The following CCDC169 variants were observed in gnomAD, a reference collection of about 807,000 sequenced individuals.
CCDC169 encodes the protein coiled-coil domain-containing protein 169.
Under a neutral mutation model 36.0 loss-of-function variants are expected in CCDC169, and 30 were observed. That is an observed-to-expected ratio of 0.83 (90% CI 0.62 to 1.13). The LOEUF is 1.13. Among genes scored for constraint, CCDC169 ranks in the 50% most tolerant of loss-of-function variants. CCDC169 has a pLI of 0.00. For missense variants in CCDC169, 245 were observed against 245.9 expected (o/e 1.00, Z 0.03); for synonymous variants, 85 against 81.5 (o/e 1.04, Z -0.23).
chr13:36,231,398 A>C, intron 7 of CCDC169, 106 bp from the exon 8 acceptor site: 1 of 1,058,206 alleles, frequency 9.4e-7, no homozygotes, highest in Non-Finnish European at 1.4e-6. Flanking sequence ...GTTCCCCCCA[A>C]CAGACCTTCA....
intron 7 of CCDC169, among the ~76,000 whole-genome samples, chr13:36,244,944 A>C (rs1341681737): frequency 6.6e-6 from 1 of 152,150 alleles, no homozygotes; most frequent in Admixed American, 6.5e-5. Flanking sequence ...CAATAATGAA[A>C]ATGTATAAAG....
intron 4 of CCDC169, among the ~76,000 whole-genome samples, chr13:36,276,054 G>A (rs928782796): frequency 1.3e-5 from 2 of 152,148 alleles, no homozygotes; most frequent in Non-Finnish European, 2.9e-5. Flanking sequence ...TTTGTAATAT[G>A]TTCTTCTCCT....
In CCDC169 at chr13:36,272,093, AAAAAACT is replaced by A. The variant is rs1468819422; in HGVS notation, c.315+11369_315+11375del. Among the ~76,000 whole-genome samples the A allele has an allele frequency of 4.7e-4, 64 of 135,284 alleles. No homozygotes were observed. The South Asian group carries it at 6.8e-3, about 14-fold the overall frequency. The allele number at this position is 135,284 out of a possible 152,430, so 88.8% of individuals were successfully genotyped here. ...GAGTGAGGCTCCGTCTCAAAAAAAA[AAAAAACT>A]AAAAAAATAAATAAATAAATAAAAT... On this transcript the variant is annotated intron_variant, in intron 4 of 7. Transcript: ENST00000239859.
chr13:36,256,319 T>C (rs1873882779), intron 4 of CCDC169, among the ~76,000 whole-genome samples: 1 of 151,986 alleles, frequency 6.6e-6, no homozygotes, highest in South Asian at 2.1e-4. Flanking sequence ...AGAAAAGAGG[T>C]TTAACTGACT....
At chr13:36,269,103 C>CAA (rs1175357031) in intron 4 of CCDC169, among the ~76,000 whole-genome samples, 3 of 134,958 alleles carry the variant, frequency 2.2e-5, no homozygotes, top group Non-Finnish European at 4.9e-5. Flanking sequence ...GACTCCAACT[C>CAA]AAATAAAAAA....
At chr13:36,260,261 TATTGTTACC>T (rs1874454784) in intron 4 of CCDC169, among the ~76,000 whole-genome samples, 1 of 152,214 alleles carries the variant, frequency 6.6e-6, no homozygotes, top group Non-Finnish European at 1.5e-5. Flanking sequence ...GTGTTCATTT[TATTGTTACC>T]ATTGTAACAA....
intron 6 of CCDC169, among the ~76,000 whole-genome samples, chr13:36,250,796 A>G (rs575568688): frequency 3.3e-5 from 5 of 152,296 alleles, no homozygotes; most frequent in African/African-American, 1.2e-4. Flanking sequence ...TGTAACTAAA[A>G]CCAGTGGATT....
chr13:36,247,039 A>G (rs1328203747), intron 7 of CCDC169, among the ~76,000 whole-genome samples: 2 of 152,186 alleles, frequency 1.3e-5, no homozygotes, highest in African/African-American at 4.8e-5. Context: ...CTCAATTACC[A>G]TTCTGAAAAT....
intron 4 of CCDC169, among the ~76,000 whole-genome samples, chr13:36,257,520 T>C (rs997230178): frequency 6.6e-6 from 1 of 151,758 alleles, no homozygotes; most frequent in African/African-American, 2.4e-5. Context: ...CTGGCCAATA[T>C]GGTGAAACCC....
intron 4 of CCDC169, among the ~76,000 whole-genome samples, chr13:36,262,375 T>C (rs1026092603): frequency 6.6e-6 from 1 of 152,200 alleles, no homozygotes; most frequent in Non-Finnish European, 1.5e-5. Context: ...CATCTCCTTC[T>C]GGGTGTGAAA....
At chr13:36,289,606 C>T (rs747518325) in intron 2 of CCDC169, among the ~76,000 whole-genome samples, 1 of 152,204 alleles carries the variant, frequency 6.6e-6, no homozygotes, top group Non-Finnish European at 1.5e-5. Flanking sequence ...AGTAGTCACA[C>T]TGCAGGTTTT....
intron 4 of CCDC169, among the ~76,000 whole-genome samples, chr13:36,267,963 A>T (rs557708610): frequency 2.0e-5 from 3 of 152,298 alleles, no homozygotes; most frequent in Admixed American, 1.3e-4. Context: ...AAAACATTTT[A>T]AAATGTTTAA....
downstream of CCDC169, chr13:36,226,928 T>A: frequency 2.4e-6 from 1 of 421,858 alleles, no homozygotes; most frequent in South Asian, 1.0e-4. Flanking sequence ...CCTGCACAGG[T>A]ACCTCTGAAT....
intron 4 of CCDC169, among the ~76,000 whole-genome samples, chr13:36,279,102 T>TA (rs34627522): frequency 0.25 from 37,070 of 149,256 alleles, 4,870 homozygotes; most frequent in East Asian, 0.49. Flanking sequence ...CTGCCCAAGC[T>TA]AAAAAAAAAC....
chr13:36,253,910 T>G, intron 5 of CCDC169, 54 bp from the exon 6 acceptor site: 2 of 1,543,182 alleles, frequency 1.3e-6, no homozygotes, highest in Non-Finnish European at 1.7e-6. Context: ...TTAGCAATAC[T>G]AGCAAGACTA....
At chr13:36,247,361 A>C (rs746971883) in intron 7 of CCDC169, among the ~76,000 whole-genome samples, 1 of 152,214 alleles carries the variant, frequency 6.6e-6, no homozygotes, top group African/African-American at 2.4e-5. Context: ...CTTATTATTT[A>C]AGAAATACAT....
intron 4 of CCDC169, among the ~76,000 whole-genome samples, chr13:36,268,512 C>A (rs2138545717): frequency 1.3e-5 from 2 of 152,018 alleles, no homozygotes; most frequent in African/African-American, 4.8e-5. Context: ...AGGCCTGTAT[C>A]AAAAAAGGTG....
chr13:36,270,931 T>C (rs998991806), intron 4 of CCDC169, among the ~76,000 whole-genome samples: 3 of 152,068 alleles, frequency 2.0e-5, no homozygotes, highest in Admixed American at 1.3e-4. Flanking sequence ...TAAGACCTAA[T>C]TAAACTAAAA....
At chr13:36,273,088 G>A (rs940434505) in intron 4 of CCDC169, among the ~76,000 whole-genome samples, 1 of 152,122 alleles carries the variant, frequency 6.6e-6, no homozygotes, top group African/African-American at 2.4e-5. Flanking sequence ...TATTCTTCCA[G>A]CTATGAGCCT....
Sources: gnomAD v4.1 joint callset for allele counts (sites outside exome capture counted in the v4.1 genomes callset) on GRCh38, gnomAD v4.1.1 for gene constraint, MANE v1.5 for transcripts, NCBI Gene and HGNC (gene_info 2026-07-23, HGNC 2026-07-21) for gene names.